The following ST6GALNAC3 variants were observed in gnomAD, a reference collection of about 807,000 sequenced individuals.
ST6GALNAC3 encodes alpha-N-acetylgalactosaminide alpha-2,6-sialyltransferase 3.
ST6GALNAC3 carries 25 observed loss-of-function variants against 32.7 expected under a neutral mutation model. The observed-to-expected ratio is 0.76, with a 90% confidence interval of 0.56 to 1.07. ST6GALNAC3 has a LOEUF of 1.07. Among genes scored for constraint, ST6GALNAC3 ranks in the 50% least tolerant of loss-of-function variants. The probability of loss-of-function intolerance (pLI) is 0.00; values close to 1 mark genes in which losing one functional copy is unlikely to be tolerated. For missense variants in ST6GALNAC3, 355 were observed against 382.4 expected (o/e 0.93, Z 0.60); for synonymous variants, 129 against 133.1 (o/e 0.97, Z 0.21).
At chr1:76,602,632 C>T (rs994699550) in intron 3 of ST6GALNAC3, among the ~76,000 whole-genome samples, 44 of 152,032 alleles carry the variant, frequency 2.9e-4, no homozygotes, top group African/African-American at 1.0e-3. Flanking sequence ...TTCTGAAAAA[C>T]AGCCCCCAAA....
chr1:76,326,921 A>G (rs1427160163), intron 2 of ST6GALNAC3, among the ~76,000 whole-genome samples: 1 of 148,710 alleles, frequency 6.7e-6, no homozygotes, highest in Non-Finnish European at 1.5e-5. Context: ...TGCATTGACT[A>G]GAGCTTATCA....
chr1:76,165,231 C>T (rs927690589), intron 1 of ST6GALNAC3, among the ~76,000 whole-genome samples: 1 of 152,136 alleles, frequency 6.6e-6, no homozygotes, highest in Admixed American at 6.5e-5. Context: ...TGTGTGTTCT[C>T]ATCATTTAGC....
intron 1 of ST6GALNAC3, among the ~76,000 whole-genome samples, chr1:76,253,218 A>T (rs907154460): frequency 6.6e-6 from 1 of 152,102 alleles, no homozygotes; most frequent in South Asian, 2.1e-4. Context: ...GACTCCCATG[A>T]TTAGGATTAT....
At chr1:76,527,481 T>C (rs1366698288) in intron 3 of ST6GALNAC3, among the ~76,000 whole-genome samples, 1 of 152,102 alleles carries the variant, frequency 6.6e-6, no homozygotes, top group Non-Finnish European at 1.5e-5. Flanking sequence ...TGCTTCCTTC[T>C]ATATTTCCCT....
At chr1:76,468,115 T>C (rs1470410308) in intron 3 of ST6GALNAC3, among the ~76,000 whole-genome samples, 1 of 151,908 alleles carries the variant, frequency 6.6e-6, no homozygotes, top group Non-Finnish European at 1.5e-5. Context: ...TCTTTCTTTC[T>C]TCCATCCCCC....
At chr1:76,091,712 C>T (rs575711687) in intron 1 of ST6GALNAC3, among the ~76,000 whole-genome samples, 2 of 152,206 alleles carry the variant, frequency 1.3e-5, no homozygotes, top group East Asian at 3.9e-4. Context: ...GTTATTATAC[C>T]TATAGTATAT....
chr1:76,559,345 C>T (rs190020619), intron 3 of ST6GALNAC3, among the ~76,000 whole-genome samples: 1 of 152,274 alleles, frequency 6.6e-6, no homozygotes, highest in Admixed American at 6.5e-5. Flanking sequence ...TGAAGTTGAA[C>T]CCATACCTCA....
At chr1:76,412,502 G>C in intron 3 of ST6GALNAC3, 85 bp downstream of exon 3, 1 of 1,351,310 alleles carries the variant, frequency 7.4e-7, no homozygotes, top group Non-Finnish European at 9.9e-7. Flanking sequence ...GATATAAAAT[G>C]AACAGTTATT....
At chr1:76,346,789 C>T (rs1553182570) in intron 2 of ST6GALNAC3, among the ~76,000 whole-genome samples, 1 of 152,068 alleles carries the variant, frequency 6.6e-6, no homozygotes, top group Non-Finnish European at 1.5e-5. Context: ...TAATGCCTAC[C>T]CTTAGAGTTG....
chr1:76,516,028 T>C (rs965829895), intron 3 of ST6GALNAC3, among the ~76,000 whole-genome samples: 21 of 152,330 alleles, frequency 1.4e-4, no homozygotes, highest in African/African-American at 4.3e-4. Flanking sequence ...TATTATTGTA[T>C]TGCTGTCTAT....
chr1:76,609,485 T>C (rs1647778311), intron 3 of ST6GALNAC3, among the ~76,000 whole-genome samples: 3 of 152,172 alleles, frequency 2.0e-5, no homozygotes, highest in Non-Finnish European at 4.4e-5. Context: ...TTCTTTTTGG[T>C]ATCTGTCAAA....
intron 1 of ST6GALNAC3, among the ~76,000 whole-genome samples, chr1:76,167,637 G>C (rs1652208796): frequency 1.3e-5 from 2 of 150,062 alleles, no homozygotes; most frequent in South Asian, 4.2e-4. Context: ...TTATTGGTTG[G>C]TAGGCTATTT....
chr1:76,209,423 T>C (rs1655015125), intron 1 of ST6GALNAC3, among the ~76,000 whole-genome samples: 1 of 152,218 alleles, frequency 6.6e-6, no homozygotes, highest in Non-Finnish European at 1.5e-5. Context: ...GTGTACTGAA[T>C]GCCAGCCTGT....
intron 2 of ST6GALNAC3, among the ~76,000 whole-genome samples, chr1:76,340,837 C>T (rs1283607268): frequency 6.6e-6 from 1 of 151,974 alleles, no homozygotes; most frequent in Non-Finnish European, 1.5e-5. Context: ...CCATTAACAC[C>T]TTAGGTTTAA....
intron 3 of ST6GALNAC3, among the ~76,000 whole-genome samples, chr1:76,538,178 A>G (rs575598821): frequency 4.6e-5 from 7 of 152,348 alleles, no homozygotes; most frequent in Admixed American, 2.0e-4. Flanking sequence ...GCTATGATCA[A>G]GTCAGCTTCA....
chr1:76,476,144 C>A (rs189600340), intron 3 of ST6GALNAC3, among the ~76,000 whole-genome samples: 2 of 152,130 alleles, frequency 1.3e-5, no homozygotes, highest in South Asian at 4.2e-4. Flanking sequence ...TCAAGCAAAC[C>A]GAAACTGACA....
intron 1 of ST6GALNAC3, among the ~76,000 whole-genome samples, chr1:76,236,318 T>C (rs1656657497): frequency 2.0e-5 from 3 of 152,148 alleles, no homozygotes; most frequent in East Asian, 1.9e-4. Context: ...CTCTGAGGTA[T>C]TGGGGTTTAG....
intron 3 of ST6GALNAC3, among the ~76,000 whole-genome samples, chr1:76,584,097 A>G (rs1050824808): frequency 6.6e-6 from 1 of 152,170 alleles, no homozygotes; most frequent in African/African-American, 2.4e-5. Flanking sequence ...CCACAAACCT[A>G]TGAGGTAGTT....
chr1:76,184,593 C>G (rs1333359958), intron 1 of ST6GALNAC3, among the ~76,000 whole-genome samples: 1 of 151,120 alleles, frequency 6.6e-6, no homozygotes, highest in African/African-American at 2.4e-5. Context: ...GGGATTCTAG[C>G]TCTTCAGAGT....
Sources: allele counts gnomAD v4.1 joint callset (sites outside exome capture counted in the v4.1 genomes callset), GRCh38; gene constraint gnomAD v4.1.1; transcripts MANE v1.5; gene names NCBI Gene and HGNC (gene_info 2026-07-23, HGNC 2026-07-21).